USP37: variants seen among roughly 807,000 people sequenced by gnomAD.
USP37 encodes ubiquitin carboxyl-terminal hydrolase 37.
Under a neutral mutation model 124.0 loss-of-function variants are expected in USP37, and 27 were observed. That is an observed-to-expected ratio of 0.22 (90% CI 0.16 to 0.30). The LOEUF is 0.30. USP37 is among the 10% of genes least tolerant of loss of function. The pLI is 1.00. For missense variants in USP37, 889 were observed against 1,140.4 expected, an observed-to-expected ratio of 0.78 and a Z score of 3.17; for synonymous variants, 365 against 388.0, an observed-to-expected ratio of 0.94 and a Z score of 0.70.
At chr2:218,543,834 A>AC (rs1440493103) in intron 8 of USP37, among the ~76,000 whole-genome samples, 8 of 144,968 alleles carry the variant, frequency 5.5e-5, no homozygotes, top group Admixed American at 4.7e-4. Flanking sequence ...AAACAAACAA[A>AC]AAAAAAAACA....
chr2:218,540,951 T>C (rs1161009484), intron 8 of USP37, among the ~76,000 whole-genome samples: 2 of 152,146 alleles, frequency 1.3e-5, no homozygotes, highest in African/African-American at 4.8e-5. Context: ...ACATACAGTA[T>C]TACCCCAAAG....
chr2:218,471,539 C>G (rs1690691994), intron 20 of USP37, among the ~76,000 whole-genome samples: 1 of 152,198 alleles, frequency 6.6e-6, no homozygotes. Context: ...CTCCCCTGAG[C>G]TTTAAACTTG....
chr2:218,541,618 A>C (rs1691978364), intron 8 of USP37, among the ~76,000 whole-genome samples: 1 of 152,148 alleles, frequency 6.6e-6, no homozygotes, highest in Non-Finnish European at 1.5e-5. Flanking sequence ...GATGGTAGGA[A>C]GAGATGTCAA....
In USP37 at chr2:218,549,389, T is replaced by C. The variant is rs1047187123; in HGVS notation, c.429+420A>G. On this transcript the variant is annotated intron_variant, in intron 6 of 25. Transcript: ENST00000258399. Reference sequence around the variant, plus strand: ...AAAAGCTTCAAAGTTTCTCTTACTCTATGGTTTGGAATGATACCTAAATGA... The same window carrying C: ...AAAAGCTTCAAAGTTTCTCTTACTCCATGGTTTGGAATGATACCTAAATGA... Among the ~76,000 whole-genome samples the C allele has an allele frequency of 3.3e-5, 5 of 152,190 alleles. No homozygotes were observed. In the East Asian group the frequency reaches 9.6e-4, roughly 29 times the overall value.
At chr2:218,551,693 C>T (rs968099622) in intron 5 of USP37, among the ~76,000 whole-genome samples, 2 of 152,174 alleles carry the variant, frequency 1.3e-5, no homozygotes, top group African/African-American at 2.4e-5. Context: ...ATTGTTAAAA[C>T]AGTGATTCCA....
At chr2:218,559,395 C>A (rs1009171493) in intron 3 of USP37, among the ~76,000 whole-genome samples, 1 of 152,152 alleles carries the variant, frequency 6.6e-6, no homozygotes, top group Non-Finnish European at 1.5e-5. Context: ...AAGTATATCA[C>A]CAAATGCTTC....
intron 10 of USP37, among the ~76,000 whole-genome samples, chr2:218,512,038 C>A (rs932204445): frequency 6.6e-6 from 1 of 151,990 alleles, no homozygotes; most frequent in Non-Finnish European, 1.5e-5. Flanking sequence ...TCCCAAATTA[C>A]TTATTGTTTG....
intron 17 of USP37, among the ~76,000 whole-genome samples, chr2:218,480,596 T>C (rs531699138): frequency 7.2e-5 from 11 of 152,332 alleles, no homozygotes; most frequent in African/African-American, 2.6e-4. Flanking sequence ...CTCTCATTTA[T>C]GGAGGATTTA....
At position 218,454,981 on chromosome 2, in the gene USP37, G is replaced by C; in HGVS notation, c.2889C>G (p.Asn963Lys). The C allele has an allele frequency of 6.2e-7, 1 of 1,614,026 alleles. No individual in the cohort carries two copies. The highest frequency in any genetic ancestry group is 8.5e-7 in the Non-Finnish European group (1 of 1,180,030). Residue 963 changes from asparagine to lysine, a missense_variant, in exon 26 of 26, where the codon AAC becomes AAG. By Grantham distance (94) the Asn-to-Lys change is moderately conservative. Coordinates refer to ENST00000258399, the MANE Select transcript of USP37 (RefSeq NM_020935.3). The stretch of plus-strand genomic sequence containing the variant: ...CCACTTCCGTGCTAAGTGACTGAGA[G>C]TTCTTTTCTGTTTCCAGCAGCTCAT... ...IFDELLETEK[N>K]SQSLSTEVGK...
At chr2:218,490,999 A>C (rs528093568) in intron 14 of USP37, among the ~76,000 whole-genome samples, 37 of 152,168 alleles carry the variant, frequency 2.4e-4, no homozygotes, top group Admixed American at 2.2e-3. Context: ...TTAGCCTCCC[A>C]AATAGCTGGG....
intron 21 of USP37, among the ~76,000 whole-genome samples, chr2:218,465,082 A>G (rs1208190403): frequency 2.6e-5 from 4 of 152,186 alleles, no homozygotes; most frequent in Non-Finnish European, 5.9e-5. Flanking sequence ...CTATCTCAAT[A>G]AATAAACAGG....
At chr2:218,456,501 T>C (rs181404236) in intron 24 of USP37, among the ~76,000 whole-genome samples, 2 of 151,684 alleles carry the variant, frequency 1.3e-5, no homozygotes, top group African/African-American at 4.8e-5. Context: ...AATATTTGTA[T>C]ATACACAGAG....
At chr2:218,527,886 C>A (rs193283508) in intron 10 of USP37, among the ~76,000 whole-genome samples, 24 of 152,164 alleles carry the variant, frequency 1.6e-4, no homozygotes, top group Admixed American at 5.2e-4. Context: ...ATGTTTTTAA[C>A]ACTTTGAATT....
At chr2:218,476,264 C>T (rs1383990350) in intron 19 of USP37, among the ~76,000 whole-genome samples, 1 of 152,120 alleles carries the variant, frequency 6.6e-6, no homozygotes, top group Non-Finnish European at 1.5e-5. Context: ...ATGTTTACTA[C>T]AGTTCCCTCA....
intron 10 of USP37, among the ~76,000 whole-genome samples, chr2:218,512,497 G>C (rs1391735739): frequency 1.3e-5 from 2 of 152,002 alleles, no homozygotes; most frequent in Admixed American, 1.3e-4. Flanking sequence ...GACAGAGAGA[G>C]ACGCTGTCTC....
In USP37 at chr2:218,459,814, A is replaced by G; in HGVS notation, c.2619T>C (p.Ala873=). 6.2e-7 allele frequency: 1 copy of G among 1,613,784 alleles called. No homozygotes were observed. Among genetic ancestry groups the G allele is most frequent in the South Asian group, 1.1e-5 (1 of 91,058 alleles). The change falls in exon 23 of 26, where the codon GCT becomes GCC. Residue 873 remains alanine (A), a synonymous_variant. Transcript: ENST00000258399. ...VFDMEYTEAE[A]EELKRNAETG... ...CCTCAGCATTTCTTTTCAGTTCCTCAGCTTCAGCTTCTGTGTACTCCATAT... is the reference window on the plus strand; with the variant it reads ...CCTCAGCATTTCTTTTCAGTTCCTCGGCTTCAGCTTCTGTGTACTCCATAT...
intron 20 of USP37, chr2:218,473,337 T>C (rs1690793645): frequency 6.6e-6 from 1 of 152,110 alleles, no homozygotes; most frequent in Admixed American, 6.6e-5. Flanking sequence ...TGATTATAAA[T>C]GTAGTAAGGG....
At position 218,450,277 on chromosome 2, in the gene USP37, T is replaced by C. The variant is rs1473284086; in HGVS notation, c.*4653A>G. 6.6e-6 allele frequency: 1 copy of C among 152,150 alleles called. No individual in the cohort carries two copies. 9.4% of individuals were successfully genotyped at this position (152,150 alleles called of 1,614,324 possible). A position where few individuals can be genotyped will look rare whatever the true frequency, so the allele number is the denominator to read the frequency against. ...AAGGTTAATAAAGGCTTTAATTTCA[T>C]ACACACAAAAAAACTCTATGCATAA... is the stretch of plus-strand genomic sequence containing the variant. On this transcript the variant is annotated 3_prime_UTR_variant, in exon 26 of 26. Transcript: ENST00000258399.
chr2:218,495,612 T>C, intron 14 of USP37, 148 bp downstream of exon 14: 1 of 763,748 alleles, frequency 1.3e-6, no homozygotes. Flanking sequence ...GCTGGGGTTG[T>C]GCCACTGCAC....
Sources: allele counts gnomAD v4.1 joint callset (sites outside exome capture counted in the v4.1 genomes callset), GRCh38; gene constraint gnomAD v4.1.1; transcripts MANE v1.5; gene names NCBI Gene and HGNC (gene_info 2026-07-23, HGNC 2026-07-21).